Variants in WDR12 observed in about 807,000 individuals in gnomAD.
WDR12 encodes the protein ribosome biogenesis protein WDR12.
WDR12 carries 42 observed loss-of-function variants against 64.3 expected under a neutral mutation model. That is an observed-to-expected ratio of 0.65 (90% CI 0.51 to 0.84). WDR12 has a LOEUF of 0.84. WDR12 is among the 40% of genes least tolerant of loss of function. The pLI, the probability that WDR12 is intolerant of heterozygous loss-of-function variation, is 0.00. For missense variants in WDR12, 469 were observed against 494.6 expected (o/e 0.95, Z 0.49); for synonymous variants, 158 against 173.3 (o/e 0.91, Z 0.70).
At position 202,887,661 on chromosome 2, in the gene WDR12, G is replaced by A. The variant is rs535853767; in HGVS notation, c.742-3126C>T. 6.6e-5 allele frequency among the ~76,000 whole-genome samples: 10 copies of A among 151,952 alleles called. No homozygotes were observed. The South Asian group carries it at 2.1e-3, about 32-fold the overall frequency. Reference sequence around the variant, plus strand: ...CCCAGCACTTTGGGAGGCTGAGGCGGGTGGATCATGAGGTCAGGAGATCGA... The same window carrying A: ...CCCAGCACTTTGGGAGGCTGAGGCGAGTGGATCATGAGGTCAGGAGATCGA... On this transcript the variant is annotated intron_variant, in intron 8 of 12. Coordinates refer to ENST00000261015, the MANE Select transcript of WDR12 (RefSeq NM_018256.4).
At position 202,880,883 on chromosome 2, in the gene WDR12, T is replaced by C; in HGVS notation, c.1249A>G (p.Thr417Ala). 12 of 1,610,414 alleles carry C rather than the reference T, an allele frequency of 7.5e-6. No individual in the cohort carries two copies. Among genetic ancestry groups the C allele is most frequent in the South Asian group, 1.1e-5 (1 of 90,370 alleles). The change falls in exon 13 of 13, where the codon ACC becomes GCC. Residue 417 changes from threonine to alanine, a missense_variant. Coordinates refer to ENST00000261015, the MANE Select transcript of WDR12 (RefSeq NM_018256.4). Reference protein sequence around the residue: ...NKLYSYRYSPTTSHVGA With the variant: ...NKLYSYRYSPATSHVGA ...TTTCATGCCCCAACATGGGAAGTGG[T>C]AGGTGAATATCTGTAGGAATACAAT...
At chr2:202,889,169 G>C (rs1323136265) in intron 8 of WDR12, among the ~76,000 whole-genome samples, 1 of 152,132 alleles carries the variant, frequency 6.6e-6, no homozygotes, top group East Asian at 1.9e-4. Flanking sequence ...AGCTAAATGA[G>C]AAACTCAATA....
In WDR12 at chr2:202,878,498, A is replaced by G. The variant is rs1293084656; in HGVS notation, c.*2362T>C. On this transcript the variant is annotated 3_prime_UTR_variant, in exon 13 of 13. Transcript: ENST00000261015. The stretch of plus-strand genomic sequence containing the variant: ...CCACCTTTATTCACTATTTGGCATT[A>G]AAATATACTTTAAGAAATGGTAACT... The G allele has an allele frequency of 3.9e-5, 6 of 152,376 alleles. No individual in the cohort carries two copies. The South Asian group carries it at 1.2e-3, about 32-fold the overall frequency. The allele number at this position is 152,376 out of a possible 1,614,324, so 9.4% of individuals were successfully genotyped here.
intron 6 of WDR12, 146 bp downstream of exon 6, chr2:202,895,919 G>C: frequency 1.2e-6 from 1 of 847,448 alleles, no homozygotes; most frequent in South Asian, 1.8e-5. Flanking sequence ...TATTGTATGA[G>C]TATTTACTCT....
In WDR12 at chr2:202,877,912, T is replaced by TGAAA. The variant is rs1264293243; in HGVS notation, c.*2944_*2947dup. On this transcript the variant is annotated 3_prime_UTR_variant, in exon 13 of 13. Coordinates refer to ENST00000261015, the MANE Select transcript of WDR12 (RefSeq NM_018256.4). ...GTTCTGGTAGAGGAACTGGGACCAT[T>TGAAA]GAAAGGTCTCATGGCTTTTGAGGGA... 6.6e-6 allele frequency: 1 copy of TGAAA among 152,292 alleles called. No homozygotes were observed. Among genetic ancestry groups the TGAAA allele is most frequent in the East Asian group, 1.9e-4 (1 of 5,206 alleles). 9.4% of individuals were successfully genotyped at this position (152,292 alleles called of 1,614,324 possible). A position where few individuals can be genotyped will look rare whatever the true frequency, so the allele number is the denominator to read the frequency against.
chr2:202,909,263 A>G (rs1464657412), intron 1 of WDR12, among the ~76,000 whole-genome samples: 4 of 152,248 alleles, frequency 2.6e-5, no homozygotes, highest in Non-Finnish European at 5.9e-5. Flanking sequence ...TATTCATAAT[A>G]GCTAAAAGGT....
At chr2:202,906,616 C>T (rs1055732935) in intron 2 of WDR12, among the ~76,000 whole-genome samples, 5 of 152,126 alleles carry the variant, frequency 3.3e-5, no homozygotes, top group Non-Finnish European at 7.4e-5. Context: ...GTAATCCCAG[C>T]ACTTTGGGAG....
At chr2:202,899,406 A>G (rs1688310740) in intron 4 of WDR12, 125 bp downstream of exon 4, 1 of 824,514 alleles carries the variant, frequency 1.2e-6, no homozygotes, top group Non-Finnish European at 1.9e-6. Flanking sequence ...CCACTGATAC[A>G]GAGATCACAA....
At chr2:202,907,461 C>T (rs1403556935) in intron 2 of WDR12, among the ~76,000 whole-genome samples, 1 of 152,020 alleles carries the variant, frequency 6.6e-6, no homozygotes, top group Non-Finnish European at 1.5e-5. Flanking sequence ...ACACTAAACA[C>T]TCAAATACTG....
chr2:202,883,566 G>T (rs751886831), intron 11 of WDR12, 43 bp downstream of exon 11: 1 of 1,585,194 alleles, frequency 6.3e-7, no homozygotes, highest in Non-Finnish European at 8.6e-7. Flanking sequence ...TTCTATAACA[G>T]GTAATTGATA....
intron 8 of WDR12, among the ~76,000 whole-genome samples, chr2:202,885,218 T>A (rs1441482490): frequency 6.6e-6 from 1 of 152,220 alleles, no homozygotes; most frequent in Admixed American, 6.5e-5. Flanking sequence ...GGCAGCTTTC[T>A]TGAGCCTTGG....
At chr2:202,883,405 G>T in intron 11 of WDR12, 4 of 479,730 alleles carry the variant, frequency 8.3e-6, no homozygotes, top group South Asian at 7.6e-5. Flanking sequence ...CAAAGTGCTG[G>T]GATTACAGGT....
At chr2:202,903,663 G>A (rs1001994099) in intron 2 of WDR12, among the ~76,000 whole-genome samples, 1 of 152,132 alleles carries the variant, frequency 6.6e-6, no homozygotes, top group Admixed American at 6.5e-5. Flanking sequence ...AATTAGGACT[G>A]ATAAATTCAG....
chr2:202,899,187 C>T (rs190124193), intron 4 of WDR12, among the ~76,000 whole-genome samples: 78 of 151,688 alleles, frequency 5.1e-4, no homozygotes, highest in East Asian at 2.5e-3. Flanking sequence ...GGACTACAGG[C>T]GCCCACCACC....
chr2:202,899,672 G>C (rs986132209), intron 3 of WDR12, 35 bp from the exon 4 acceptor site: 1 of 1,582,786 alleles, frequency 6.3e-7, no homozygotes, highest in Non-Finnish European at 8.7e-7. Context: ...AAGTCAGGTG[G>C]TCTAGTTTTA....
chr2:202,893,740 T>C (rs1688192195), intron 7 of WDR12, among the ~76,000 whole-genome samples: 1 of 152,126 alleles, frequency 6.6e-6, no homozygotes, highest in Admixed American at 6.6e-5. Context: ...TGGGTGTGTG[T>C]TTTTTCCTCT....
chr2:202,878,441 A>G lies in WDR12; in HGVS notation c.*2419T>C, dbSNP rs1035057292. The G allele has an allele frequency of 3.3e-5, 5 of 152,240 alleles. No individual in the cohort carries two copies. The highest frequency in any genetic ancestry group is 1.2e-4 in the African/African-American group (5 of 41,460). The allele number at this position is 152,240 out of a possible 1,614,324, so 9.4% of individuals were successfully genotyped here. A position where few individuals can be genotyped will look rare whatever the true frequency, so the allele number is the denominator to read the frequency against. ...TTTATACCAATCAGCACAAAATGAG[A>G]AAAAGAAGGATTCTGTGCATGAATT... On this transcript the variant is annotated 3_prime_UTR_variant, in exon 13 of 13. Coordinates refer to ENST00000261015, the MANE Select transcript of WDR12 (RefSeq NM_018256.4).
chr2:202,910,094 C>CAA (rs529414787), intron 1 of WDR12, among the ~76,000 whole-genome samples: 58 of 152,288 alleles, frequency 3.8e-4, no homozygotes, highest in African/African-American at 1.4e-3. Context: ...CAGCACTCGG[C>CAA]AAAGAATTTT....
chr2:202,904,288 T>A (rs891097938), intron 2 of WDR12, among the ~76,000 whole-genome samples: 1 of 151,338 alleles, frequency 6.6e-6, no homozygotes, highest in Non-Finnish European at 1.5e-5. Flanking sequence ...ACCTACAGAT[T>A]CAATGCAATC....
Sources: allele counts gnomAD v4.1 joint callset (sites outside exome capture counted in the v4.1 genomes callset), GRCh38; gene constraint gnomAD v4.1.1; transcripts MANE v1.5; gene names NCBI Gene and HGNC (gene_info 2026-07-23, HGNC 2026-07-21).